FLVCR1: variants seen among roughly 807,000 people sequenced by gnomAD.
FLVCR1 encodes the protein FLVCR choline and heme transporter 1.
Under a neutral mutation model 53.6 loss-of-function variants are expected in FLVCR1, and 34 were observed. That is an observed-to-expected ratio of 0.63 (90% CI 0.48 to 0.84). FLVCR1 has a LOEUF of 0.84. Ranked by LOEUF, FLVCR1 falls within the 40% of genes least tolerant of loss-of-function variation. The pLI, the probability that FLVCR1 is intolerant of heterozygous loss-of-function variation, is 0.00. For missense variants in FLVCR1, 677 were observed against 696.7 expected (o/e 0.97, Z 0.32); for synonymous variants, 300 against 286.3 (o/e 1.05, Z -0.48).
intron 2 of FLVCR1, among the ~76,000 whole-genome samples, chr1:212,865,980 G>GTTTTTTTT (rs1491202805): frequency 6.2e-5 from 2 of 32,090 alleles, no homozygotes; most frequent in Non-Finnish European, 1.8e-4. Context: ...TTTGGGGTTT[G>GTTTTTTTT]GTTTTTTTTT....
intron 2 of FLVCR1, 121 bp from the exon 3 acceptor site, chr1:212,872,557 T>G (rs966873040): frequency 1.4e-6 from 1 of 720,042 alleles, no homozygotes. Context: ...TATACCTCTT[T>G]AAACTTAAAC....
At chr1:212,880,882 C>T (rs1210121433) in intron 3 of FLVCR1, among the ~76,000 whole-genome samples, 2 of 151,926 alleles carry the variant, frequency 1.3e-5, no homozygotes, top group African/African-American at 4.8e-5. Flanking sequence ...ACTGCATGTC[C>T]AGTGTGAATT....
chr1:212,893,228 T>C (rs2102574857), intron 8 of FLVCR1, among the ~76,000 whole-genome samples: 2 of 152,130 alleles, frequency 1.3e-5, no homozygotes, highest in South Asian at 4.2e-4. Flanking sequence ...GCTAATTTTT[T>C]GTATTTTTTG....
At position 212,898,580 on chromosome 1, in the gene FLVCR1, T is replaced by C. The variant is rs1040843524; in HGVS notation, c.*3290T>C. 2 of 152,230 alleles carry C rather than the reference T, an allele frequency of 1.3e-5. No homozygotes were observed. The highest frequency in any genetic ancestry group is 4.8e-5 in the African/African-American group (2 of 41,470). The allele number at this position is 152,230 out of a possible 1,614,324, so 9.4% of individuals were successfully genotyped here. On this transcript the variant is annotated 3_prime_UTR_variant, in exon 10 of 10. Transcript: ENST00000366971. ...TTTTCCTTGTTGATTAGAAAGGTGATGGAATATGTGACAATGCAAAATGAA... is the reference window on the plus strand; with the variant it reads ...TTTTCCTTGTTGATTAGAAAGGTGACGGAATATGTGACAATGCAAAATGAA...
intron 2 of FLVCR1, among the ~76,000 whole-genome samples, chr1:212,872,128 GT>G (rs1456538425): frequency 1.3e-5 from 2 of 148,306 alleles, no homozygotes; most frequent in Admixed American, 1.3e-4. Context: ...CTTTTTTTTT[GT>G]TTTGAGACAG....
At chr1:212,863,624 C>T (rs1418607420) in intron 1 of FLVCR1, 101 bp from the exon 2 acceptor site, 3 of 1,045,870 alleles carry the variant, frequency 2.9e-6, no homozygotes, top group Non-Finnish European at 3.0e-6. Context: ...TTTCAAAGCA[C>T]CTTTATAAAC....
rs1664316096 is a variant in FLVCR1, at chr1:212,863,629, A to G, written c.739-96A>G. ...ATAGTTTAATTTTCAAAGCACCTTTATAAACACTAGCTGTCCTCTTTATGT... is the reference window on the plus strand; with the variant it reads ...ATAGTTTAATTTTCAAAGCACCTTTGTAAACACTAGCTGTCCTCTTTATGT... On this transcript the variant is annotated intron_variant, in intron 1 of 9. Transcript: ENST00000366971. 8 of 1,095,882 alleles carry G rather than the reference A, an allele frequency of 7.3e-6. No individual in the cohort carries two copies. The Admixed American group carries it at 8.8e-5, about 12-fold the overall frequency. The allele number at this position is 1,095,882 out of a possible 1,614,324, so 67.9% of individuals were successfully genotyped here.
Position 212,859,261 on chromosome 1 carries a change from A to C in FLVCR1, c.738+71A>C, listed in dbSNP as rs541134125. The C allele has an allele frequency of 1.2e-4, 187 of 1,606,030 alleles. 3 individuals are homozygous for C. In the South Asian group the frequency reaches 1.8e-3, roughly 15 times the overall value. ...GAAAAAGTCATAGGCCGTGAGAACT[A>C]TGGCCTGTATGGATGAACTGCCCCA... On this transcript the variant is annotated intron_variant, in intron 1 of 9. Transcript: ENST00000366971.
intron 5 of FLVCR1, among the ~76,000 whole-genome samples, chr1:212,886,098 G>A (rs1196477806): frequency 2.1e-5 from 3 of 139,894 alleles, no homozygotes; most frequent in Non-Finnish European, 4.5e-5. Context: ...CTGGAGTGCA[G>A]TGGCACCATC....
intron 8 of FLVCR1, 75 bp from the exon 9 acceptor site, chr1:212,894,911 A>G (rs1665293142): frequency 1.0e-6 from 1 of 967,232 alleles, no homozygotes; most frequent in African/African-American, 1.6e-5. Flanking sequence ...GACAATACCA[A>G]GAAAGACTTT....
intron 2 of FLVCR1, among the ~76,000 whole-genome samples, chr1:212,872,162 T>C (rs1437169594): frequency 6.6e-6 from 1 of 152,144 alleles, no homozygotes. Flanking sequence ...TTGCCCAGGC[T>C]GGAGTGCAAT....
At chr1:212,890,621 G>A (rs904198391) in intron 8 of FLVCR1, among the ~76,000 whole-genome samples, 5 of 152,198 alleles carry the variant, frequency 3.3e-5, no homozygotes, top group Non-Finnish European at 5.9e-5. Context: ...AGCATTCGTG[G>A]ATTTTGGTAT....
At position 212,888,656 on chromosome 1, in the gene FLVCR1, G is replaced by A. The variant is rs370668176; in HGVS notation, c.1413+62G>A. ...TATACCAGATATTCTAGTGAGTAAT[G>A]AGTTTGACCATGGTTTTATTTGTTG... On this transcript the variant is annotated intron_variant, in intron 7 of 9. Coordinates refer to ENST00000366971, the MANE Select transcript of FLVCR1 (RefSeq NM_014053.4). 2.2e-5 allele frequency: 26 copies of A among 1,178,678 alleles called. No individual in the cohort carries two copies. In the East Asian group the frequency reaches 5.9e-4, roughly 27 times the overall value. 73.0% of individuals were successfully genotyped at this position (1,178,678 alleles called of 1,614,324 possible). A position where few individuals can be genotyped will look rare whatever the true frequency, so the allele number is the denominator to read the frequency against.
At chr1:212,894,926 T>G (rs1342775391) in intron 8 of FLVCR1, 60 bp from the exon 9 acceptor site, 5 of 1,122,754 alleles carry the variant, frequency 4.5e-6, no homozygotes, top group Non-Finnish European at 6.8e-6. Flanking sequence ...GACTTTGAGC[T>G]GCTTTTTAAA....
intron 4 of FLVCR1, 83 bp from the exon 5 acceptor site, chr1:212,885,210 A>G: frequency 2.1e-6 from 2 of 938,996 alleles, no homozygotes; most frequent in Non-Finnish European, 3.5e-6. Flanking sequence ...ATTTTCATTG[A>G]CTATGAAAAG....
At position 212,878,759 on chromosome 1, in the gene FLVCR1, TAGAAAACATTGAAA is replaced by T. The variant is rs546680159; in HGVS notation, c.1025-4611_1025-4598del. Among the ~76,000 whole-genome samples, 6 of 152,078 alleles carry T rather than the reference TAGAAAACATTGAAA, an allele frequency of 3.9e-5. No homozygotes were observed. The South Asian group carries it at 1.2e-3, about 32-fold the overall frequency. On this transcript the variant is annotated intron_variant, in intron 3 of 9. Coordinates refer to ENST00000366971, the MANE Select transcript of FLVCR1 (RefSeq NM_014053.4). ...ACCAAAAGAACTTCATAGAGAAAAT[TAGAAAACATTGAAA>T]GGGATAAAGGGAGACCTGCATCCTA...
intron 5 of FLVCR1, 95 bp downstream of exon 5, chr1:212,885,491 T>C: frequency 1.1e-6 from 1 of 908,906 alleles, no homozygotes; most frequent in Non-Finnish European, 1.8e-6. Flanking sequence ...TAAAACATGT[T>C]ATTACTTAAA....
intron 1 of FLVCR1, among the ~76,000 whole-genome samples, chr1:212,859,907 T>A (rs1368341058): frequency 6.6e-6 from 1 of 152,174 alleles, no homozygotes; most frequent in Non-Finnish European, 1.5e-5. Flanking sequence ...TGAGAGGTCA[T>A]TGTGAACAGC....
chr1:212,885,550 C>CTTTTTTTTTTTTTTTTTTTTTTTTTTTT (rs539282150), intron 5 of FLVCR1, 154 bp downstream of exon 5: 1 of 257,976 alleles, frequency 3.9e-6, no homozygotes. Context: ...ACAAGTGTTT[C>CTTTTTTTTTTTTTTTTTTTTTTTTTTTT]TTTTTTTTTT....
Sources: gnomAD v4.1 joint callset for allele counts (sites outside exome capture counted in the v4.1 genomes callset) on GRCh38, gnomAD v4.1.1 for gene constraint, MANE v1.5 for transcripts, NCBI Gene and HGNC (gene_info 2026-07-23, HGNC 2026-07-21) for gene names.